The following NF1 variants were observed in gnomAD, a reference collection of about 807,000 sequenced individuals.
NF1 encodes neurofibromin.
Under a neutral mutation model 325.7 loss-of-function variants are expected in NF1, and 122 were observed. That is an observed-to-expected ratio of 0.37 (90% CI 0.32 to 0.44). NF1 has a LOEUF of 0.44. Ranked by LOEUF, NF1 falls within the 20% of genes least tolerant of loss-of-function variation. NF1 has a pLI of 1.00. For synonymous variants in NF1, 1,091 were observed against 1,186.0 expected (o/e 0.92, Z 1.65); for missense variants, 2,140 against 3,415.4 (o/e 0.63, Z 9.31).
At chr17:31,332,750 C>T (rs1349955239) in intron 39 of NF1, among the ~76,000 whole-genome samples, 1 of 47,284 alleles carries the variant, frequency 2.1e-5, no homozygotes, top group Admixed American at 1.9e-4. Context: ...CACCACAGTC[C>T]CCAGAGTGTG....
At chr17:31,322,934 G>C (rs1472915189) in intron 36 of NF1, among the ~76,000 whole-genome samples, 2 of 152,142 alleles carry the variant, frequency 1.3e-5, no homozygotes, top group East Asian at 1.9e-4. Context: ...AGACTCTACA[G>C]TGCCTTTTCG....
intron 8 of NF1, among the ~76,000 whole-genome samples, chr17:31,191,579 C>T (rs1247144462): frequency 6.6e-6 from 1 of 152,086 alleles, no homozygotes; most frequent in Non-Finnish European, 1.5e-5. Flanking sequence ...AAATTCAGGA[C>T]AGAAAGCAGA....
At chr17:31,346,118 CA>C (rs2069975915) in intron 48 of NF1, 1 of 1,611,600 alleles carries the variant, frequency 6.2e-7, no homozygotes, top group African/African-American at 1.3e-5. Flanking sequence ...CGGAGACGAA[CA>C]AAATCTGGCC....
At chr17:31,121,629 A>C (rs1914449646) in intron 1 of NF1, among the ~76,000 whole-genome samples, 1 of 152,144 alleles carries the variant, frequency 6.6e-6, no homozygotes, top group Non-Finnish European at 1.5e-5. Context: ...AGTTTTTATC[A>C]TGAAGGGGTG....
chr17:31,217,008 C>T (rs1032549958), intron 13 of NF1, among the ~76,000 whole-genome samples: 5 of 152,144 alleles, frequency 3.3e-5, no homozygotes, highest in African/African-American at 9.7e-5. Flanking sequence ...TTAATAATAG[C>T]TCTTATGTGA....
intron 29 of NF1, among the ~76,000 whole-genome samples, chr17:31,237,977 T>C (rs1255810334): frequency 6.6e-6 from 1 of 151,950 alleles, no homozygotes; most frequent in African/African-American, 2.4e-5. Flanking sequence ...AAACTGAAAA[T>C]CAGCAGCTCT....
chr17:31,182,815 A>T, intron 8 of NF1, 150 bp downstream of exon 8: 1 of 746,922 alleles, frequency 1.3e-6, no homozygotes, highest in Admixed American at 2.3e-5. Context: ...TGATGGACTT[A>T]GAAGAGACAT....
intron 36 of NF1, chr17:31,318,692 G>A (rs1352496812): frequency 6.2e-7 from 1 of 1,614,074 alleles, no homozygotes; most frequent in Middle Eastern, 1.6e-4. Context: ...TCAATGCTCT[G>A]TACTGTTGAA....
chr17:31,313,546 A>AT, intron 36 of NF1, among the ~76,000 whole-genome samples: 2 of 152,152 alleles, frequency 1.3e-5, no homozygotes, highest in Non-Finnish European at 2.9e-5. Context: ...TCTACTAAAA[A>AT]TACAAAAAAA....
rs771859724 is a variant in NF1, at chr17:31,160,154, C to T, written c.288+1061C>T. 7.2e-5 allele frequency among the ~76,000 whole-genome samples: 11 copies of T among 152,286 alleles called. No individual in the cohort carries two copies. In the East Asian group the frequency reaches 7.7e-4, roughly 11 times the overall value. ...AGGCTGAAGTGCAGTGGCACCCTCT[C>T]GGCTCATTGCAACCTCCACTTCCCG... On this transcript the variant is annotated intron_variant, in intron 3 of 57. Coordinates refer to ENST00000358273, the MANE Select transcript of NF1 (RefSeq NM_001042492.3).
intron 36 of NF1, among the ~76,000 whole-genome samples, chr17:31,286,563 A>G (rs1221535770): frequency 6.6e-6 from 1 of 152,226 alleles, no homozygotes; most frequent in East Asian, 1.9e-4. Context: ...TGGAAAAGCC[A>G]TACCATGAGG....
intron 2 of NF1, among the ~76,000 whole-genome samples, chr17:31,156,985 A>G (rs2065674622): frequency 1.3e-5 from 2 of 152,054 alleles, no homozygotes; most frequent in Non-Finnish European, 2.9e-5. Flanking sequence ...TTATGAATGA[A>G]TAAATGAATG....
chr17:31,292,035 TTA>T (rs1327806203), intron 36 of NF1, among the ~76,000 whole-genome samples: 1 of 152,200 alleles, frequency 6.6e-6, no homozygotes, highest in Non-Finnish European at 1.5e-5. Flanking sequence ...TTTATGTGAA[TTA>T]TGTCATTTAA....
intron 29 of NF1, among the ~76,000 whole-genome samples, chr17:31,247,491 C>G (rs1416010845): frequency 3.9e-5 from 6 of 152,088 alleles, no homozygotes; most frequent in African/African-American, 1.4e-4. Context: ...AAAAGCATGT[C>G]TAACCTTAGT....
chr17:31,278,481 TGGTAA>T (rs2068053390), intron 36 of NF1, among the ~76,000 whole-genome samples: 1 of 132,084 alleles, frequency 7.6e-6, no homozygotes, highest in Non-Finnish European at 1.6e-5. Context: ...GACATTGCCT[TGGTAA>T]TTGAAGCTTT....
intron 29 of NF1, among the ~76,000 whole-genome samples, chr17:31,241,684 TTTG>T (rs1653404889): frequency 1.3e-5 from 2 of 152,210 alleles, no homozygotes; most frequent in African/African-American, 4.8e-5. Flanking sequence ...TTTTTAACTT[TTTG>T]TTGTTTTTAT....
intron 36 of NF1, chr17:31,318,072 A>T (rs1030590750): frequency 1.9e-5 from 9 of 476,606 alleles, no homozygotes; most frequent in Admixed American, 3.9e-5. Context: ...TTTTCCTCAA[A>T]TGCTTAGTTA....
At chr17:31,173,190 G>A (rs2065960827) in intron 5 of NF1, among the ~76,000 whole-genome samples, 2 of 152,178 alleles carry the variant, frequency 1.3e-5, no homozygotes, top group Admixed American at 1.3e-4. Flanking sequence ...GCTGAGGCAG[G>A]TGGATCACGA....
At chr17:31,280,199 GT>G (rs1224888030) in intron 36 of NF1, among the ~76,000 whole-genome samples, 6 of 150,454 alleles carry the variant, frequency 4.0e-5, no homozygotes, top group African/African-American at 9.7e-5. Context: ...CCCATATAAA[GT>G]TTTTTTTTAA....
Sources: allele counts gnomAD v4.1 joint callset (sites outside exome capture counted in the v4.1 genomes callset), GRCh38; gene constraint gnomAD v4.1.1; transcripts MANE v1.5; gene names NCBI Gene and HGNC (gene_info 2026-07-23, HGNC 2026-07-21).